The following SLC12A3 variants were observed in gnomAD, a reference collection of about 807,000 sequenced individuals.
The protein encoded by SLC12A3 is Na-Cl cotransporter.
Under a neutral mutation model 121.0 loss-of-function variants are expected in SLC12A3, and 104 were observed. That is an observed-to-expected ratio of 0.86 (90% CI 0.73 to 1.01). The LOEUF (loss-of-function observed/expected upper bound fraction) is 1.01. SLC12A3 is among the 50% of genes least tolerant of loss of function. The probability of loss-of-function intolerance (pLI) is 0.00; values close to 1 mark genes in which losing one functional copy is unlikely to be tolerated. For missense variants in SLC12A3, 1,328 were observed against 1,356.3 expected (o/e 0.98, Z 0.33); for synonymous variants, 536 against 533.4 (o/e 1.00, Z -0.07).
chr16:56,897,950 G>A (rs748771080), intron 22 of SLC12A3, among the ~76,000 whole-genome samples: 2 of 152,190 alleles, frequency 1.3e-5, no homozygotes, highest in Admixed American at 6.5e-5. Flanking sequence ...GACCAGCAAC[G>A]GCTTGCCTGC....
intron 16 of SLC12A3, 108 bp downstream of exon 16, chr16:56,886,583 G>A: frequency 9.8e-7 from 1 of 1,020,212 alleles, no homozygotes. Flanking sequence ...TCAGGAGTTT[G>A]AGACCAGCCT....
In SLC12A3 at chr16:56,878,290, C is replaced by CTGG. The variant is rs2055192815; in HGVS notation, c.1180+130_1180+132dup. ...CTCTCTAACAACAGGGAGAGCTGGGCTGGGAGGGTGTGGCGACCTTAGGAT... is the reference window on the plus strand; with the variant it reads ...CTCTCTAACAACAGGGAGAGCTGGGCTGGTGGGAGGGTGTGGCGACCTTAGGAT... On this transcript the variant is annotated intron_variant, in intron 9 of 25. Transcript: ENST00000563236. 9 of 735,888 alleles carry CTGG rather than the reference C, an allele frequency of 1.2e-5. No individual in the cohort carries two copies. In the Admixed American group the frequency reaches 1.2e-4, roughly 10 times the overall value. 45.6% of individuals were successfully genotyped at this position (735,888 alleles called of 1,614,324 possible).
intron 8 of SLC12A3, among the ~76,000 whole-genome samples, chr16:56,877,327 T>G (rs1196090395): frequency 6.6e-6 from 1 of 151,424 alleles, no homozygotes. Flanking sequence ...ACCCAGAAGG[T>G]GGAGGTTGCA....
intron 17 of SLC12A3, 48 bp from the exon 18 acceptor site, chr16:56,887,877 A>T: frequency 1.4e-6 from 2 of 1,415,536 alleles, no homozygotes; most frequent in Non-Finnish European, 2.0e-6. Flanking sequence ...TGGATCACCA[A>T]CTCTGCCCCT....
chr16:56,874,419 C>T (rs768562030), intron 8 of SLC12A3, among the ~76,000 whole-genome samples: 4 of 152,186 alleles, frequency 2.6e-5, no homozygotes, highest in Non-Finnish European at 4.4e-5. Flanking sequence ...GAGCTAGCCC[C>T]ACACTGGAAA....
chr16:56,885,816 G>A (rs2055303299), intron 15 of SLC12A3, among the ~76,000 whole-genome samples: 1 of 152,206 alleles, frequency 6.6e-6, no homozygotes, highest in African/African-American at 2.4e-5. Context: ...TGCTTGCAAA[G>A]TGCCTTACAC....
chr16:56,913,429 C>G lies in SLC12A3; in HGVS notation c.*24C>G. 3.7e-6 allele frequency: 6 copies of G among 1,613,076 alleles called. No homozygotes were observed. Among genetic ancestry groups the G allele is most frequent in the Non-Finnish European group, 5.1e-6 (6 of 1,179,002 alleles). On this transcript the variant is annotated 3_prime_UTR_variant, in exon 26 of 26. Transcript: ENST00000563236. ...AACTCCAGGCTTTGACATCCCTGTC[C>G]ACAGCTCTGAGTGTGTGGGATAAGT...
chr16:56,888,549 AT>A (rs749206626), intron 18 of SLC12A3, among the ~76,000 whole-genome samples: 1,012 of 85,862 alleles, frequency 0.012, 5 homozygotes, highest in African/African-American at 0.041. Context: ...AGATCTTTTA[AT>A]TTTTTTTTTT....
rs536306331 is a variant in SLC12A3 at position 56,902,962 on chromosome 16, A to T, written c.2856+454A>T. Among the ~76,000 whole-genome samples the T allele has an allele frequency of 8.5e-5, 13 of 152,214 alleles. No homozygotes were observed. The South Asian group carries it at 2.5e-3, about 29-fold the overall frequency. ...GGAGTTCAAGACCAGCCTGACCAAC[A>T]TGGTGAGACCCCATCTCTACTAAAA... On this transcript the variant is annotated intron_variant, in intron 24 of 25. Coordinates refer to ENST00000563236, the MANE Select transcript of SLC12A3 (RefSeq NM_001126108.2).
rs2055250548 is a variant in SLC12A3, at chr16:56,882,266, A to G, written c.1568-130A>G. ...CAGATGAGGTGGACCCATTTCACAG[A>G]TGAGAAGGTTGAGACTGACTGAGCC... is the stretch of plus-strand genomic sequence containing the variant. On this transcript the variant is annotated intron_variant, in intron 12 of 25. Transcript: ENST00000563236. 3.9e-6 allele frequency: 3 copies of G among 762,814 alleles called. No individual in the cohort carries two copies. In the East Asian group the frequency reaches 7.6e-5, roughly 19 times the overall value. The allele number at this position is 762,814 out of a possible 1,614,324, so 47.3% of individuals were successfully genotyped here.
At position 56,914,691 on chromosome 16, in the gene SLC12A3, CAAA is replaced by C. The variant is rs2055731160; in HGVS notation, c.*1290_*1292del. 6.6e-6 allele frequency: 1 copy of C among 152,086 alleles called. No homozygotes were observed. Among genetic ancestry groups the C allele is most frequent in the African/African-American group, 2.4e-5 (1 of 41,454 alleles). The allele number at this position is 152,086 out of a possible 1,614,324, so 9.4% of individuals were successfully genotyped here. The stretch of plus-strand genomic sequence containing the variant: ...GGAGGGGTATTGATGGCAGGAGAGT[CAAA>C]AAAGAGTTTTAAAGAAGGGGCAAGG... On this transcript the variant is annotated 3_prime_UTR_variant, in exon 26 of 26. Coordinates refer to ENST00000563236, the MANE Select transcript of SLC12A3 (RefSeq NM_001126108.2).
intron 15 of SLC12A3, 107 bp downstream of exon 15, chr16:56,885,471 A>G (rs2144726613): frequency 2.6e-6 from 2 of 759,746 alleles, no homozygotes; most frequent in South Asian, 2.9e-5. Flanking sequence ...GACCCAGGGT[A>G]TGTGCAGCCT....
At chr16:56,911,282 C>T (rs1325636739) in intron 25 of SLC12A3, among the ~76,000 whole-genome samples, 2 of 152,122 alleles carry the variant, frequency 1.3e-5, no homozygotes, top group East Asian at 3.9e-4. Context: ...CTTGGTCCAA[C>T]CCACCTTCCC....
At chr16:56,877,219 C>T (rs1203494869) in intron 8 of SLC12A3, among the ~76,000 whole-genome samples, 1 of 152,044 alleles carries the variant, frequency 6.6e-6, no homozygotes, top group Non-Finnish European at 1.5e-5. Flanking sequence ...TGGTGAAACC[C>T]CGTCTCTACT....
rs763732776 is a variant in SLC12A3 at position 56,870,686 on chromosome 16, G to T, written c.802G>T (p.Val268Phe). Residue 268 changes from valine (V) to phenylalanine (F), a missense_variant, in exon 6 of 26, where the codon GTC becomes TTC. Transcript: ENST00000563236. ...CATCCGCATCATTGCCGTGGTCTCG[G>T]TCACTGTGCTGCTGGCCATCTCCCT... ...NDIRIIAVVS[V>F]TVLLAISLAG... is the part of the protein sequence containing the mutation. 2.5e-6 allele frequency: 4 copies of T among 1,613,920 alleles called. No homozygotes were observed. The African/African-American group carries it at 5.3e-5, about 22-fold the overall frequency.
At chr16:56,868,540 G>A (rs1964415004) in intron 3 of SLC12A3, among the ~76,000 whole-genome samples, 168 bp downstream of exon 3, 1 of 152,258 alleles carries the variant, frequency 6.6e-6, no homozygotes, top group African/African-American at 2.4e-5. Flanking sequence ...GGCCCCTGCA[G>A]TGACAGGGGT....
intron 5 of SLC12A3, 36 bp from the exon 6 acceptor site, chr16:56,870,590 G>T (rs1311180291): frequency 2.9e-6 from 4 of 1,364,278 alleles, no homozygotes; most frequent in African/African-American, 1.4e-5. Flanking sequence ...GGAATTCAGA[G>T]GGTGGCTTGC....
At chr16:56,907,826 G>C (rs1431230212) in intron 25 of SLC12A3, among the ~76,000 whole-genome samples, 2 of 152,168 alleles carry the variant, frequency 1.3e-5, no homozygotes, top group African/African-American at 4.8e-5. Flanking sequence ...CTGGGGATAT[G>C]GATTTCAACG....
Position 56,870,235 on chromosome 16 carries a change from G to A in SLC12A3, c.741G>A (p.Gln247=). 1 of 1,612,734 alleles carries A rather than the reference G, an allele frequency of 6.2e-7. No individual in the cohort carries two copies. ...GFAETVRDLL[Q]EYGAPIVDPI... The stretch of plus-strand genomic sequence containing the variant: ...CAGAGACCGTGCGGGACCTGCTCCA[G>A]GTGAGGCCGGGGGGCTGGACCCTGG... Residue 247 remains glutamine, a splice_region_variant and synonymous_variant, in exon 5 of 26, where the codon CAG becomes CAA. Transcript: ENST00000563236.
Sources: allele counts gnomAD v4.1 joint callset (sites outside exome capture counted in the v4.1 genomes callset), GRCh38; gene constraint gnomAD v4.1.1; transcripts MANE v1.5; gene names NCBI Gene and HGNC (gene_info 2026-07-23, HGNC 2026-07-21).